UXS1: variants seen among roughly 807,000 people sequenced by gnomAD.
UXS1 encodes UDP-glucuronic acid decarboxylase 1.
In UXS1, 33 loss-of-function variants were observed where a neutral mutation model predicts 62.6. The observed-to-expected ratio is 0.53, with a 90% CI of 0.40 to 0.70. The LOEUF (loss-of-function observed/expected upper bound fraction) is 0.70. Ranked by LOEUF, UXS1 falls within the 30% of genes least tolerant of loss-of-function variation. The pLI, the probability that UXS1 is intolerant of heterozygous loss-of-function variation, is 0.00. For missense variants in UXS1, 434 were observed against 556.3 expected (o/e 0.78, Z 2.21); for synonymous variants, 213 against 206.8 (o/e 1.03, Z -0.26).
intron 6 of UXS1, among the ~76,000 whole-genome samples, chr2:106,144,126 T>A (rs1035142018): frequency 6.6e-6 from 1 of 152,214 alleles, no homozygotes; most frequent in Admixed American, 6.5e-5. Context: ...GTCACATGTA[T>A]GACCTCAGTT....
intron 1 of UXS1, among the ~76,000 whole-genome samples, chr2:106,181,904 TAAG>T (rs530206499): frequency 1.4e-3 from 210 of 152,328 alleles, no homozygotes; most frequent in African/African-American, 4.8e-3. Flanking sequence ...TTCTAAAAGT[TAAG>T]AAGAAGATGG....
chr2:106,098,815 A>G (rs1329242451), intron 12 of UXS1, 42 bp from the exon 13 acceptor site: 1 of 1,576,952 alleles, frequency 6.3e-7, no homozygotes, highest in Non-Finnish European at 8.7e-7. Context: ...TCATGACAAC[A>G]GCAGCAATCC....
chr2:106,158,929 A>G (rs562907199), intron 4 of UXS1, among the ~76,000 whole-genome samples: 1 of 152,272 alleles, frequency 6.6e-6, no homozygotes, highest in Admixed American at 6.5e-5. Context: ...CGGTCCTCAG[A>G]CTTGGCTTCC....
intron 13 of UXS1, 138 bp from the exon 14 acceptor site, chr2:106,096,959 G>T: frequency 1.2e-6 from 1 of 855,652 alleles, no homozygotes; most frequent in Non-Finnish European, 1.9e-6. Context: ...TCTCTGAGAA[G>T]CCCCGGAGCT....
chr2:106,096,899 G>A (rs1209233833), intron 13 of UXS1, 78 bp from the exon 14 acceptor site: 19 of 1,379,662 alleles, frequency 1.4e-5, no homozygotes, highest in Non-Finnish European at 1.9e-5. Flanking sequence ...CCACATCAAA[G>A]GCAAACCCCA....
At chr2:106,155,294 G>A (rs1682346487) in intron 5 of UXS1, among the ~76,000 whole-genome samples, 1 of 152,036 alleles carries the variant, frequency 6.6e-6, no homozygotes, top group Non-Finnish European at 1.5e-5. Flanking sequence ...GATATCCCTA[G>A]ATAAACAAAA....
chr2:106,095,297 G>T (rs1676984818), intron 14 of UXS1, among the ~76,000 whole-genome samples: 1 of 152,204 alleles, frequency 6.6e-6, no homozygotes, highest in South Asian at 2.1e-4. Flanking sequence ...AACCTAGGCT[G>T]CTATAACCTG....
At chr2:106,104,618 C>G (rs952441718) in intron 11 of UXS1, among the ~76,000 whole-genome samples, 176 bp downstream of exon 11, 1 of 152,214 alleles carries the variant, frequency 6.6e-6, no homozygotes, top group Admixed American at 6.5e-5. Flanking sequence ...CAAATTTTAA[C>G]TTTTAAACAG....
Position 106,123,097 on chromosome 2 carries a change from A to C in UXS1, c.638-6T>G. 6.2e-7 allele frequency: 1 copy of C among 1,613,670 alleles called. No individual in the cohort carries two copies. The highest frequency in any genetic ancestry group is 8.5e-7 in the Non-Finnish European group (1 of 1,179,704). ...TTGAGGGTGGACTTCAGGATCTACG[A>C]TGGGAGAAAAGTGAGACTGTTTTCA... On this transcript the variant is annotated splice_polypyrimidine_tract_variant and splice_region_variant and intron_variant, in intron 8 of 14. Coordinates refer to ENST00000283148, the MANE Select transcript of UXS1 (RefSeq NM_001253875.2).
In UXS1 at chr2:106,099,106, A is replaced by G. The variant is rs1273891866; in HGVS notation, c.985-333T>C. ...ATAACTTCAATGTCACTTTTATAAA[A>G]GCTTGGGTTTACAAAATTAGCTCTC... On this transcript the variant is annotated intron_variant, in intron 12 of 14. Transcript: ENST00000283148. Among the ~76,000 whole-genome samples, 3 of 152,200 alleles carry G rather than the reference A, an allele frequency of 2.0e-5. No homozygotes were observed. The East Asian group carries it at 5.8e-4, about 29-fold the overall frequency.
At chr2:106,147,611 C>T (rs1055513143) in intron 5 of UXS1, among the ~76,000 whole-genome samples, 1 of 152,176 alleles carries the variant, frequency 6.6e-6, no homozygotes, top group African/African-American at 2.4e-5. Flanking sequence ...TACAGAATCT[C>T]TTAACCCGCC....
At chr2:106,097,312 C>T (rs1038452570) in intron 13 of UXS1, 5 of 426,698 alleles carry the variant, frequency 1.2e-5, no homozygotes, top group Admixed American at 4.9e-5. Flanking sequence ...AGGGACCTCT[C>T]GGAGGACGGC....
chr2:106,136,920 A>ATAC (rs1289548321), intron 6 of UXS1, among the ~76,000 whole-genome samples: 1 of 144,184 alleles, frequency 6.9e-6, no homozygotes, highest in African/African-American at 2.6e-5. Flanking sequence ...AATAATAATA[A>ATAC]TAAAAAAAGA....
Position 106,145,289 on chromosome 2 carries a change from T to C in UXS1, c.373A>G (p.Asn125Asp). The C allele has an allele frequency of 6.2e-7, 1 of 1,613,956 alleles. No individual in the cohort carries two copies. The highest frequency in any genetic ancestry group is 8.5e-7 in the Non-Finnish European group (1 of 1,179,880). The change falls in exon 6 of 15, where the codon AAT becomes GAT. Residue 125 changes from asparagine (N) to aspartate (D), a missense_variant. By Grantham distance (23) the Asn-to-Asp change is conservative (BLOSUM62 1). This residue lies in a region of UXS1 where 134 missense variants were observed against 251.9 expected (regional missense o/e 0.53). Transcript: ENST00000283148. ...TTTCTCTTCCTGCCCGTGAAGAAAT[T>C]GTCCACCACGGTCACCTCGTGGCCG... The part of the protein sequence containing the change: ...MDGHEVTVVD[N>D]FFTGRKRNVE...
At chr2:106,162,629 G>A (rs1682966032) in intron 4 of UXS1, among the ~76,000 whole-genome samples, 1 of 152,148 alleles carries the variant, frequency 6.6e-6, no homozygotes, top group African/African-American at 2.4e-5. Context: ...AATATTACAA[G>A]CTGCATAACT....
intron 11 of UXS1, 103 bp downstream of exon 11, chr2:106,104,691 G>A: frequency 7.1e-7 from 1 of 1,406,626 alleles, no homozygotes; most frequent in Non-Finnish European, 1.0e-6. Flanking sequence ...TGTTAGCGTT[G>A]TGGAAATGGT....
At chr2:106,148,631 T>G (rs1187252138) in intron 5 of UXS1, among the ~76,000 whole-genome samples, 1 of 152,204 alleles carries the variant, frequency 6.6e-6, no homozygotes, top group Non-Finnish European at 1.5e-5. Context: ...CTGAAGTAAT[T>G]TCCTTCTACC....
At chr2:106,147,133 T>G (rs1020636783) in intron 5 of UXS1, among the ~76,000 whole-genome samples, 26 of 149,528 alleles carry the variant, frequency 1.7e-4, no homozygotes, top group African/African-American at 5.7e-4. Flanking sequence ...AGAGCGAGAC[T>G]CTGTCTCATA....
Position 106,152,006 on chromosome 2 carries a change from T to C in UXS1, c.291+6052A>G, listed in dbSNP as rs78278842. 3.3e-5 allele frequency among the ~76,000 whole-genome samples: 5 copies of C among 152,350 alleles called. No homozygotes were observed. In the East Asian group the frequency reaches 9.6e-4, roughly 29 times the overall value. ...TAAAAGAACAAAACAACCTGTGTAC[T>C]AGTCATTTCAACATCAAGGTCATAT... is the stretch of plus-strand genomic sequence containing the variant. On this transcript the variant is annotated intron_variant, in intron 5 of 14. Transcript: ENST00000283148.
Sources: allele counts gnomAD v4.1 joint callset (sites outside exome capture counted in the v4.1 genomes callset), GRCh38; gene constraint gnomAD v4.1.1; regional missense constraint gnomAD v4.1.1; transcripts MANE v1.5; gene names NCBI Gene and HGNC (gene_info 2026-07-23, HGNC 2026-07-21).